CUX1: variants seen among roughly 807,000 people sequenced by gnomAD.
CUX1 encodes protein CASP.
Under a neutral mutation model 158.8 loss-of-function variants are expected in CUX1, and 31 were observed. The ratio of observed to expected loss-of-function variants is 0.20; its 90% CI spans 0.15 to 0.26. The LOEUF (loss-of-function observed/expected upper bound fraction) is 0.26. Ranked by LOEUF, CUX1 falls within the 10% of genes least tolerant of loss-of-function variation. The probability of loss-of-function intolerance (pLI) is 1.00; values close to 1 mark genes in which losing one functional copy is unlikely to be tolerated. For missense variants in CUX1, 1,589 were observed against 2,014.6 expected, an observed-to-expected ratio of 0.79 and a Z score of 4.04; for synonymous variants, 879 against 862.1, an observed-to-expected ratio of 1.02 and a Z score of -0.34.
chr7:102,269,551 G>A (rs536848061), intron 14 of CUX1, among the ~76,000 whole-genome samples: 1,562 of 147,662 alleles, frequency 0.011, 24 homozygotes, highest in African/African-American at 0.037. Flanking sequence ...GATTACAGGG[G>A]TCCGCCACCA....
chr7:101,895,587 G>A (rs943824602), intron 1 of CUX1, among the ~76,000 whole-genome samples: 2 of 152,172 alleles, frequency 1.3e-5, no homozygotes, highest in African/African-American at 4.8e-5. Flanking sequence ...CTGTCCCATA[G>A]ATAGACTCAG....
intron 6 of CUX1, among the ~76,000 whole-genome samples, chr7:102,109,201 TCAA>T (rs1830655972): frequency 6.6e-6 from 1 of 152,122 alleles, no homozygotes; most frequent in Non-Finnish European, 1.5e-5. Context: ...TTTAAAAACA[TCAA>T]CAAACTGAAG....
Position 102,279,405 on chromosome 7 carries a change from C to G in CUX1, c.1681-632C>G, listed in dbSNP as rs184626118. 2.2e-3 allele frequency among the ~76,000 whole-genome samples: 331 copies of G among 152,304 alleles called. 6 individuals are homozygous for G. Among genetic ancestry groups the G allele is most frequent in the Admixed American group, 0.018 (279 of 15,292 alleles). On this transcript the variant is annotated intron_variant, in intron 18 of 22. Transcript: ENST00000292538. ...TTTGGTCCACACTCCAAAAAGCAAC[C>G]AAGAGAGTGGATCAGAAACTCACTT... is the stretch of plus-strand genomic sequence containing the variant.
intron 14 of CUX1, among the ~76,000 whole-genome samples, chr7:102,270,936 C>T (rs1302635792): frequency 2.0e-5 from 3 of 152,206 alleles, no homozygotes; most frequent in Non-Finnish European, 2.9e-5. Context: ...ACCAGGCCCA[C>T]GCACCCCATC....
intron 3 of CUX1, among the ~76,000 whole-genome samples, chr7:102,057,425 G>A (rs1824292675): frequency 6.6e-6 from 1 of 152,164 alleles, no homozygotes; most frequent in Non-Finnish European, 1.5e-5. Context: ...GATAGATCTA[G>A]GCAAATTAAA....
intron 2 of CUX1, among the ~76,000 whole-genome samples, chr7:101,973,173 C>A (rs368919392): frequency 3.3e-5 from 5 of 152,142 alleles, no homozygotes; most frequent in Admixed American, 6.5e-5. Context: ...CAGAGCCAGG[C>A]CTGCTTTTCC....
At chr7:101,961,549 C>G (rs1323573673) in intron 2 of CUX1, 1 of 152,066 alleles carries the variant, frequency 6.6e-6, no homozygotes, top group Non-Finnish European at 1.5e-5. Context: ...AAAAATCAAC[C>G]AGGAGCAGCC....
chr7:102,121,489 G>A (rs1832042262), intron 8 of CUX1, among the ~76,000 whole-genome samples: 1 of 152,136 alleles, frequency 6.6e-6, no homozygotes, highest in Non-Finnish European at 1.5e-5. Context: ...GGAATTGCAG[G>A]CATCTGCCAC....
chr7:101,838,121 T>G (rs973914412), intron 1 of CUX1, among the ~76,000 whole-genome samples: 3 of 151,504 alleles, frequency 2.0e-5, no homozygotes, highest in Admixed American at 1.3e-4. Flanking sequence ...TCCTTTTCAC[T>G]CGTCACATTT....
At chr7:101,983,063 G>A (rs1207785903) in intron 2 of CUX1, among the ~76,000 whole-genome samples, 3 of 151,970 alleles carry the variant, frequency 2.0e-5, no homozygotes, top group Non-Finnish European at 4.4e-5. Flanking sequence ...GTTCCTGACG[G>A]CCCACCTCAA....
chr7:101,881,625 A>G (rs1368974413), intron 1 of CUX1, among the ~76,000 whole-genome samples: 1 of 152,170 alleles, frequency 6.6e-6, no homozygotes, highest in Non-Finnish European at 1.5e-5. Context: ...GTATTTGGGA[A>G]TTGATTTTCT....
intron 8 of CUX1, among the ~76,000 whole-genome samples, chr7:102,123,241 A>C (rs1384682365): frequency 6.6e-6 from 1 of 151,552 alleles, no homozygotes; most frequent in African/African-American, 2.4e-5. Context: ...AAAAATAAAA[A>C]AAAAAGAGAG....
upstream of CUX1, chr7:101,816,911 C>T (rs1791881297): frequency 3.1e-6 from 3 of 981,142 alleles, no homozygotes; most frequent in Non-Finnish European, 3.6e-6. Context: ...CGTGTGGCTC[C>T]CGGCGCGGAC....
intron 8 of CUX1, among the ~76,000 whole-genome samples, chr7:102,126,825 A>G (rs782458219): frequency 9.9e-5 from 15 of 152,210 alleles, no homozygotes; most frequent in Non-Finnish European, 1.9e-4. Context: ...TGTAATATAT[A>G]ATGAAATAAT....
At chr7:101,842,772 G>A (rs1455517913) in intron 1 of CUX1, among the ~76,000 whole-genome samples, 1 of 150,286 alleles carries the variant, frequency 6.7e-6, no homozygotes, top group East Asian at 1.9e-4. Flanking sequence ...ATGATCTTTA[G>A]ATTTTCCTGA....
intron 1 of CUX1, among the ~76,000 whole-genome samples, chr7:101,887,217 G>A (rs963274581): frequency 1.3e-5 from 2 of 152,126 alleles, no homozygotes; most frequent in Non-Finnish European, 2.9e-5. Context: ...TGCTGTGACT[G>A]CATCTTCCTT....
intron 14 of CUX1, among the ~76,000 whole-genome samples, chr7:102,263,912 G>A (rs1052121842): frequency 6.6e-6 from 1 of 151,326 alleles, no homozygotes; most frequent in African/African-American, 2.4e-5. Context: ...GGCTGGTCTC[G>A]AACTCCTGGC....
At chr7:102,044,542 T>G (rs1212477313) in intron 3 of CUX1, among the ~76,000 whole-genome samples, 1 of 152,170 alleles carries the variant, frequency 6.6e-6, no homozygotes, top group Non-Finnish European at 1.5e-5. Flanking sequence ...TTGCATTAAC[T>G]TTTCCCCTCT....
chr7:101,996,966 C>CACTCCCCT, intron 2 of CUX1, among the ~76,000 whole-genome samples: 1 of 152,172 alleles, frequency 6.6e-6, no homozygotes, highest in African/African-American at 2.4e-5. Flanking sequence ...TTCTGGGAAT[C>CACTCCCCT]GCTCCCCTGC....
Sources: gnomAD v4.1 joint callset for allele counts (sites outside exome capture counted in the v4.1 genomes callset) on GRCh38, gnomAD v4.1.1 for gene constraint, MANE v1.5 for transcripts, NCBI Gene and HGNC (gene_info 2026-07-23, HGNC 2026-07-21) for gene names.